The following BICC1 variants were observed in gnomAD, a reference collection of about 807,000 sequenced individuals.
BICC1 encodes protein bicaudal C homolog 1.
A neutral mutation model predicts 111.0 loss-of-function variants in BICC1; 43 were observed. That is an observed-to-expected ratio of 0.39 (90% CI 0.30 to 0.50). BICC1 has a LOEUF of 0.50. Ranked by LOEUF, BICC1 falls within the 20% of genes least tolerant of loss-of-function variation. The probability of loss-of-function intolerance (pLI) is 0.88; values close to 1 mark genes in which losing one functional copy is unlikely to be tolerated. For missense variants in BICC1, 1,091 were observed against 1,203.2 expected, an observed-to-expected ratio of 0.91 and a Z score of 1.38; for synonymous variants, 467 against 434.4, an observed-to-expected ratio of 1.07 and a Z score of -0.93.
Position 58,789,419 on chromosome 10 carries a change from T to C in BICC1, c.758T>C (p.Ile253Thr). The change falls in exon 7 of 21, where the codon ATA becomes ACA. Residue 253 changes from isoleucine to threonine, a missense_variant. Coordinates refer to ENST00000373886, the MANE Select transcript of BICC1 (RefSeq NM_001080512.3). ...QRSRMYGATV[I>T]VRGSQNNTSA... ...TCCCGAATGTATGGTGCTACTGTCA[T>C]AGTACGAGGGTCTCAGAATAACACT... 1.2e-6 allele frequency: 2 copies of C among 1,614,104 alleles called. No homozygotes were observed. Among genetic ancestry groups the C allele is most frequent in the Non-Finnish European group, 1.7e-6 (2 of 1,179,956 alleles).
chr10:58,743,051 C>T (rs1841719540), intron 3 of BICC1, among the ~76,000 whole-genome samples: 2 of 152,126 alleles, frequency 1.3e-5, no homozygotes, highest in Admixed American at 1.3e-4. Flanking sequence ...TGCCAGGTGG[C>T]AATTGAACCT....
intron 2 of BICC1, among the ~76,000 whole-genome samples, chr10:58,660,663 A>G (rs4948532): frequency 1 from 151,831 of 152,234 alleles, 75,716 homozygotes; most frequent in Middle Eastern, 1. Flanking sequence ...CAACTACTCA[A>G]GACTCCTTCT....
intron 2 of BICC1, among the ~76,000 whole-genome samples, chr10:58,679,180 A>G (rs1374916332): frequency 6.6e-6 from 1 of 152,228 alleles, no homozygotes; most frequent in East Asian, 1.9e-4. Flanking sequence ...AGAAATAGCT[A>G]AGATCAGAGC....
At chr10:58,513,524 T>C (rs1182400235) in intron 1 of BICC1, among the ~76,000 whole-genome samples, 191 bp downstream of exon 1, 2 of 152,118 alleles carry the variant, frequency 1.3e-5, no homozygotes, top group Non-Finnish European at 2.9e-5. Flanking sequence ...CTTCCACGCC[T>C]CTCAGATTTC....
chr10:58,616,266 C>G (rs951253328), intron 1 of BICC1, among the ~76,000 whole-genome samples: 1 of 152,192 alleles, frequency 6.6e-6, no homozygotes, highest in Non-Finnish European at 1.5e-5. Flanking sequence ...GCAGGGGTCC[C>G]CCCACTGGAG....
chr10:58,652,393 G>A, intron 2 of BICC1, among the ~76,000 whole-genome samples: 1 of 152,138 alleles, frequency 6.6e-6, no homozygotes, highest in Admixed American at 6.6e-5. Flanking sequence ...TCTAGACACA[G>A]TCTTTTGCTC....
At chr10:58,572,829 C>A (rs141759693) in intron 1 of BICC1, among the ~76,000 whole-genome samples, 90 of 152,200 alleles carry the variant, frequency 5.9e-4, no homozygotes, top group African/African-American at 2.2e-3. Flanking sequence ...CGCCTTTGAT[C>A]CCTCAACATG....
At chr10:58,605,630 T>G (rs1445660125) in intron 1 of BICC1, among the ~76,000 whole-genome samples, 1 of 152,256 alleles carries the variant, frequency 6.6e-6, no homozygotes, top group Non-Finnish European at 1.5e-5. Context: ...GCATATCCTC[T>G]GTACACTTTA....
intron 3 of BICC1, among the ~76,000 whole-genome samples, chr10:58,759,953 G>A (rs11006254): frequency 0.3 from 40,711 of 137,404 alleles, 6,509 homozygotes; most frequent in East Asian, 0.49. Context: ...AGTGAGACTC[G>A]TCTCAAAAGA....
chr10:58,755,136 A>T (rs566562266), intron 3 of BICC1, among the ~76,000 whole-genome samples: 3 of 152,132 alleles, frequency 2.0e-5, no homozygotes, highest in Non-Finnish European at 4.4e-5. Flanking sequence ...TTTTGTTTTC[A>T]TAGAGTTGTT....
intron 2 of BICC1, among the ~76,000 whole-genome samples, chr10:58,683,953 A>T (rs923219672): frequency 6.6e-6 from 1 of 152,204 alleles, no homozygotes; most frequent in Non-Finnish European, 1.5e-5. Context: ...GTCTTGTGCC[A>T]GTTTTCAAAG....
At chr10:58,588,724 C>T (rs1844508065) in intron 1 of BICC1, among the ~76,000 whole-genome samples, 1 of 152,202 alleles carries the variant, frequency 6.6e-6, no homozygotes, top group Admixed American at 6.5e-5. Context: ...AGTAAAAACG[C>T]ATCCCTATGT....
chr10:58,518,527 C>T (rs1012708478), intron 1 of BICC1, among the ~76,000 whole-genome samples: 1 of 140,070 alleles, frequency 7.1e-6, no homozygotes, highest in East Asian at 2.1e-4. Flanking sequence ...AAAGCAAATA[C>T]TTGCCAAGTC....
At chr10:58,788,797 A>G (rs1279558163) in intron 6 of BICC1, among the ~76,000 whole-genome samples, 1 of 152,350 alleles carries the variant, frequency 6.6e-6, no homozygotes, top group East Asian at 1.9e-4. Flanking sequence ...ATTTAAAAAC[A>G]CTTGTAGGCC....
chr10:58,683,734 A>G (rs1045491136), intron 2 of BICC1, among the ~76,000 whole-genome samples: 1 of 152,194 alleles, frequency 6.6e-6, no homozygotes, highest in East Asian at 1.9e-4. Flanking sequence ...TTGTATCCTG[A>G]GATTTGCTGA....
intron 3 of BICC1, among the ~76,000 whole-genome samples, chr10:58,732,185 T>C (rs1214908850): frequency 6.6e-6 from 1 of 151,200 alleles, no homozygotes; most frequent in African/African-American, 2.4e-5. Context: ...GAAGCCATTG[T>C]AGGGTTATTA....
intron 18 of BICC1, among the ~76,000 whole-genome samples, chr10:58,815,666 A>G (rs1248719634): frequency 6.6e-6 from 1 of 152,256 alleles, no homozygotes; most frequent in South Asian, 2.1e-4. Context: ...AGGGAGTTTA[A>G]GAGAGACTAT....
intron 7 of BICC1, 97 bp from the exon 8 acceptor site, chr10:58,789,585 T>C: frequency 6.5e-7 from 1 of 1,533,774 alleles, no homozygotes; most frequent in Non-Finnish European, 8.9e-7. Flanking sequence ...CAGAATATGC[T>C]GTATTTTTCC....
intron 2 of BICC1, among the ~76,000 whole-genome samples, chr10:58,632,090 T>C (rs1180253153): frequency 6.6e-6 from 1 of 152,180 alleles, no homozygotes; most frequent in African/African-American, 2.4e-5. Context: ...GGAAAGTGGG[T>C]ATGTGTGTCT....
Sources: allele counts gnomAD v4.1 joint callset (sites outside exome capture counted in the v4.1 genomes callset), GRCh38; gene constraint gnomAD v4.1.1; transcripts MANE v1.5; gene names NCBI Gene and HGNC (gene_info 2026-07-23, HGNC 2026-07-21).